The following ST8SIA4 variants were observed in gnomAD, a reference collection of about 807,000 sequenced individuals.
ST8SIA4 encodes ST8 alpha-N-acetyl-neuraminide alpha-2,8-sialyltransferase 4.
A neutral mutation model predicts 33.9 loss-of-function variants in ST8SIA4; 15 were observed. The observed-to-expected ratio is 0.44, with a 90% CI of 0.30 to 0.68. The LOEUF (loss-of-function observed/expected upper bound fraction) is 0.68, where lower values mean the gene tolerates loss of function less well. ST8SIA4 is among the 30% of genes least tolerant of loss of function. The pLI is 0.10. For synonymous variants in ST8SIA4, 171 were observed against 151.2 expected (o/e 1.13, Z -0.96); for missense variants, 321 against 428.0 (o/e 0.75, Z 2.21).
chr5:100,886,051 T>C, intron 3 of ST8SIA4: 1 of 1,114,530 alleles, frequency 9.0e-7, no homozygotes, highest in Admixed American at 4.6e-5. Context: ...GAAAAAAGTT[T>C]GTGTGGAATA....
intron 4 of ST8SIA4, among the ~76,000 whole-genome samples, chr5:100,835,976 C>A (rs1751355223): frequency 6.6e-6 from 1 of 151,958 alleles, no homozygotes; most frequent in Non-Finnish European, 1.5e-5. Context: ...AACCAAAATT[C>A]ATTTATGTAT....
rs10044315 is a variant in ST8SIA4, at chr5:100,851,482, A to G, written c.797+4621T>C. ...GGTTAAATACATTATAGAAAAGTAT[A>G]TAATGGAATATACTTTCCTATTAAA... On this transcript the variant is annotated intron_variant, in intron 4 of 4. Transcript: ENST00000231461. 6.5e-3 allele frequency among the ~76,000 whole-genome samples: 989 copies of G among 152,208 alleles called. 13 individuals are homozygous for G. The highest frequency in any genetic ancestry group is 0.023 in the African/African-American group (948 of 41,550).
chr5:100,851,983 G>A (rs569071182), intron 4 of ST8SIA4, among the ~76,000 whole-genome samples: 2 of 151,576 alleles, frequency 1.3e-5, no homozygotes, highest in African/African-American at 4.8e-5. Flanking sequence ...ATATTAAGTT[G>A]TATATTAATA....
At chr5:100,873,311 G>A (rs900412079) in intron 3 of ST8SIA4, among the ~76,000 whole-genome samples, 2 of 151,864 alleles carry the variant, frequency 1.3e-5, no homozygotes, top group African/African-American at 4.8e-5. Flanking sequence ...TAAGCTAGAG[G>A]GAAGATGAGG....
chr5:100,857,181 A>G (rs1751832915), intron 3 of ST8SIA4, among the ~76,000 whole-genome samples: 1 of 151,890 alleles, frequency 6.6e-6, no homozygotes, highest in South Asian at 2.1e-4. Flanking sequence ...TTTCTCCACT[A>G]GAGCCATAAG....
chr5:100,879,352 A>C (rs1048583557), intron 3 of ST8SIA4, among the ~76,000 whole-genome samples: 5 of 152,198 alleles, frequency 3.3e-5, no homozygotes, highest in African/African-American at 2.4e-5. Context: ...TTATAGAGAA[A>C]GGTTTAGAAA....
At chr5:100,841,874 ATC>A (rs1478514297) in intron 4 of ST8SIA4, among the ~76,000 whole-genome samples, 2 of 151,852 alleles carry the variant, frequency 1.3e-5, no homozygotes, top group African/African-American at 2.4e-5. Context: ...AAATCCCTTG[ATC>A]TAGCATTCCA....
At chr5:100,888,063 G>C (rs1344070535) in intron 2 of ST8SIA4, among the ~76,000 whole-genome samples, 29 of 151,878 alleles carry the variant, frequency 1.9e-4, no homozygotes, top group Admixed American at 1.9e-3. Context: ...AAATTGAGAG[G>C]AGGAAAGGAT....
intron 4 of ST8SIA4, among the ~76,000 whole-genome samples, chr5:100,818,437 T>A (rs779320249): frequency 6.6e-6 from 1 of 152,140 alleles, no homozygotes; most frequent in Non-Finnish European, 1.5e-5. Context: ...CTCTCAAAAG[T>A]GCTTGAAGTC....
chr5:100,895,283 T>C (rs554755349), intron 2 of ST8SIA4, among the ~76,000 whole-genome samples: 6 of 152,196 alleles, frequency 3.9e-5, no homozygotes, highest in African/African-American at 1.4e-4. Context: ...AATTTTCAGC[T>C]AGTTGAGAAA....
intron 4 of ST8SIA4, among the ~76,000 whole-genome samples, chr5:100,824,288 G>A (rs576122142): frequency 6.6e-6 from 1 of 152,274 alleles, no homozygotes; most frequent in Non-Finnish European, 1.5e-5. Flanking sequence ...GGCAAGAGAA[G>A]AATCTAGGGT....
chr5:100,895,917 C>A, intron 1 of ST8SIA4, 132 bp from the exon 2 acceptor site: 1 of 875,612 alleles, frequency 1.1e-6, no homozygotes, highest in Non-Finnish European at 1.7e-6. Context: ...GAAGGAAATA[C>A]GCAAGCATGA....
intron 4 of ST8SIA4, among the ~76,000 whole-genome samples, chr5:100,813,008 A>G (rs1174460876): frequency 1.3e-5 from 2 of 152,216 alleles, no homozygotes; most frequent in East Asian, 3.9e-4. Context: ...CAAAAACTTA[A>G]TAAGTTTAAA....
intron 4 of ST8SIA4, among the ~76,000 whole-genome samples, chr5:100,847,723 A>G (rs1751598065): frequency 6.6e-6 from 1 of 152,138 alleles, no homozygotes; most frequent in Admixed American, 6.6e-5. Context: ...CAGAGTGAAT[A>G]CTACCCAGAT....
At chr5:100,864,653 G>A (rs79002590) in intron 3 of ST8SIA4, among the ~76,000 whole-genome samples, 2,872 of 151,050 alleles carry the variant, frequency 0.019, 98 homozygotes, top group African/African-American at 0.068. Flanking sequence ...CTACTAATGC[G>A]GGGAGGTATC....
intron 4 of ST8SIA4, among the ~76,000 whole-genome samples, chr5:100,834,835 C>T (rs914308151): frequency 6.6e-6 from 1 of 152,118 alleles, no homozygotes; most frequent in Non-Finnish European, 1.5e-5. Flanking sequence ...GACGCCTCCC[C>T]AGAAGCCAAG....
At chr5:100,846,495 G>A (rs1454866249) in intron 4 of ST8SIA4, among the ~76,000 whole-genome samples, 1 of 151,948 alleles carries the variant, frequency 6.6e-6, no homozygotes, top group Non-Finnish European at 1.5e-5. Flanking sequence ...CATACATTAT[G>A]AAGAATGTTC....
intron 1 of ST8SIA4, among the ~76,000 whole-genome samples, chr5:100,897,734 T>C (rs1218337539): frequency 6.6e-6 from 1 of 152,184 alleles, no homozygotes; most frequent in East Asian, 1.9e-4. Context: ...CTACTCCCTG[T>C]GAAATTCATA....
intron 3 of ST8SIA4, among the ~76,000 whole-genome samples, chr5:100,860,186 C>A (rs1751906366): frequency 6.6e-6 from 1 of 152,052 alleles, no homozygotes; most frequent in African/African-American, 2.4e-5. Flanking sequence ...TATTATAGAC[C>A]AAATTTTCCC....
Sources: allele counts gnomAD v4.1 joint callset (sites outside exome capture counted in the v4.1 genomes callset), GRCh38; gene constraint gnomAD v4.1.1; transcripts MANE v1.5; gene names NCBI Gene and HGNC (gene_info 2026-07-23, HGNC 2026-07-21).